Variants in TNKS observed in about 807,000 individuals in gnomAD.
TNKS encodes the protein tankyrase.
Under a neutral mutation model 135.8 loss-of-function variants are expected in TNKS, and 72 were observed. The ratio of observed to expected loss-of-function variants is 0.53; its 90% CI spans 0.44 to 0.64. TNKS has a LOEUF of 0.64. Ranked by LOEUF, TNKS falls within the 30% of genes least tolerant of loss-of-function variation. The pLI is 0.00. For synonymous variants in TNKS, 849 were observed against 649.3 expected (o/e 1.31, Z -4.68); for missense variants, 1,769 against 1,674.0 (o/e 1.06, Z -0.99).
rs1421971397 is a variant in TNKS at position 9,765,774 on chromosome 8, A to G, written c.3530A>G (p.His1177Arg). 1 of 1,613,880 alleles carries G rather than the reference A, an allele frequency of 6.2e-7. No homozygotes were observed. The highest frequency in any genetic ancestry group is 8.5e-7 in the Non-Finnish European group (1 of 1,179,890). The change falls in exon 24 of 27, where the codon CAC becomes CGC. Residue 1177 changes from histidine to arginine, a missense_variant. Transcript: ENST00000310430. ...KEVSEENHNH[H>R]NERMLFHGSP... Reference sequence around the variant, plus strand: ...GTGTCTGAGGAGAATCACAACCATCACAATGAGCGCATGTTGTTTCATGGT... The same window carrying G: ...GTGTCTGAGGAGAATCACAACCATCGCAATGAGCGCATGTTGTTTCATGGT...
chr8:9,578,656 C>G (rs7829677), intron 1 of TNKS, among the ~76,000 whole-genome samples: 10,135 of 152,170 alleles, frequency 0.067, 366 homozygotes, highest in South Asian at 0.17. Flanking sequence ...TCCCCTTACT[C>G]TTTTCCACAT....
rs932417865 is a variant in TNKS at position 9,777,765 on chromosome 8, C to T, written c.*1029C>T. ...ATTGTTACCCCTCCAAATTAGCTGC[C>T]TTATTTCAAAAGTCAGTGAAATTAC... On this transcript the variant is annotated 3_prime_UTR_variant, in exon 27 of 27. Coordinates refer to ENST00000310430, the MANE Select transcript of TNKS (RefSeq NM_003747.3). 7 of 152,240 alleles carry T rather than the reference C, an allele frequency of 4.6e-5. No individual in the cohort carries two copies. The highest frequency in any genetic ancestry group is 1.7e-4 in the African/African-American group (7 of 41,544). The allele number at this position is 152,240 out of a possible 1,614,324, so 9.4% of individuals were successfully genotyped here.
intron 1 of TNKS, among the ~76,000 whole-genome samples, chr8:9,576,093 C>G (rs1473878874): frequency 1.3e-5 from 2 of 152,134 alleles, no homozygotes; most frequent in Non-Finnish European, 2.9e-5. Flanking sequence ...TCCTCATGGC[C>G]AGTCACTGAC....
chr8:9,692,121 C>T (rs1423409819), intron 5 of TNKS, among the ~76,000 whole-genome samples: 1 of 152,016 alleles, frequency 6.6e-6, no homozygotes, highest in African/African-American at 2.4e-5. Context: ...GTAAATTGTG[C>T]GTTACTGAGG....
chr8:9,677,462 CTT>C (rs1802593768), intron 3 of TNKS, among the ~76,000 whole-genome samples: 1 of 152,126 alleles, frequency 6.6e-6, no homozygotes, highest in South Asian at 2.1e-4. Context: ...TATTACCACT[CTT>C]ATTGGAGTCA....
At chr8:9,744,356 G>T (rs994825852) in intron 17 of TNKS, among the ~76,000 whole-genome samples, 8 of 152,136 alleles carry the variant, frequency 5.3e-5, no homozygotes, top group African/African-American at 1.9e-4. Flanking sequence ...TCTCTCAACT[G>T]TTTTTATTTT....
intron 2 of TNKS, among the ~76,000 whole-genome samples, chr8:9,608,522 A>G (rs1799321113): frequency 6.6e-6 from 1 of 151,758 alleles, no homozygotes; most frequent in Non-Finnish European, 1.5e-5. Context: ...TGCGACCTCT[A>G]CTCACTTTGT....
chr8:9,776,653 T>A lies in TNKS; in HGVS notation c.3901T>A (p.Tyr1301Asn). The change falls in exon 27 of 27, where the codon TAC becomes AAC. Residue 1301 changes from tyrosine (Y) to asparagine (N), a missense_variant. Tyr to Asn is a moderately radical substitution (Grantham distance 143, BLOSUM62 -2). Coordinates refer to ENST00000310430, the MANE Select transcript of TNKS (RefSeq NM_003747.3). ...TTTTTCTTCTTGTCCTTCCCAGGCA[T>A]ACCCAGAGTATCTTATCACTTACCA... ...EYVIYRGEQAYPEYLITYQIM... is the reference protein window; with the variant it reads ...EYVIYRGEQANPEYLITYQIM... 6.2e-7 allele frequency: 1 copy of A among 1,613,902 alleles called. No homozygotes were observed. The highest frequency in any genetic ancestry group is 8.5e-7 in the Non-Finnish European group (1 of 1,179,834).
chr8:9,720,385 G>C lies in TNKS; in HGVS notation c.1761G>C (p.Leu587=). 6.2e-7 allele frequency: 1 copy of C among 1,607,962 alleles called. No individual in the cohort carries two copies. Among genetic ancestry groups the C allele is most frequent in the Non-Finnish European group, 8.5e-7 (1 of 1,177,612 alleles). ...LHKHGAKMNA[L]DTLGQTALHR... ...CAATGATTTTTCAGATGAATGCACTGGACACCCTTGGTCAGACTGCTTTGC... is the reference window on the plus strand; with the variant it reads ...CAATGATTTTTCAGATGAATGCACTCGACACCCTTGGTCAGACTGCTTTGC... The change falls in exon 12 of 27, where the codon CTG becomes CTC. Residue 587 remains leucine, a synonymous_variant. Transcript: ENST00000310430.
intron 12 of TNKS, among the ~76,000 whole-genome samples, chr8:9,723,603 A>G (rs1283016587): frequency 6.6e-6 from 1 of 152,216 alleles, no homozygotes; most frequent in Non-Finnish European, 1.5e-5. Context: ...ATTATTTCCA[A>G]AGATTTGATT....
intron 3 of TNKS, among the ~76,000 whole-genome samples, chr8:9,639,564 C>G (rs1159814026): frequency 6.8e-6 from 1 of 146,020 alleles, no homozygotes; most frequent in African/African-American, 2.5e-5. Flanking sequence ...AGCTTTCAAT[C>G]TTGTATCTTT....
intron 15 of TNKS, among the ~76,000 whole-genome samples, chr8:9,734,238 G>A (rs1049836015): frequency 3.3e-5 from 5 of 151,926 alleles, no homozygotes; most frequent in East Asian, 1.9e-4. Flanking sequence ...ACTAATTTCC[G>A]CAGTGAGCCC....
At chr8:9,718,941 AAGTT>A (rs767291118) in intron 11 of TNKS, among the ~76,000 whole-genome samples, 13 of 152,230 alleles carry the variant, frequency 8.5e-5, no homozygotes, top group Non-Finnish European at 1.6e-4. Flanking sequence ...ATAATAGAAT[AAGTT>A]AGTATGTTTC....
intron 19 of TNKS, among the ~76,000 whole-genome samples, chr8:9,752,236 A>C (rs1363950552): frequency 6.6e-6 from 1 of 152,098 alleles, no homozygotes; most frequent in Non-Finnish European, 1.5e-5. Context: ...TAAGAATTAT[A>C]CTATAATGTT....
At chr8:9,678,830 A>G (rs1054984601) in intron 3 of TNKS, among the ~76,000 whole-genome samples, 4 of 152,176 alleles carry the variant, frequency 2.6e-5, no homozygotes, top group Non-Finnish European at 5.9e-5. Flanking sequence ...CATTTAGTCT[A>G]ATGTTTTATT....
rs1222828256 is a variant in TNKS at position 9,745,526 on chromosome 8, TCC to T, written c.2644-2496_2644-2495del. 2.0e-5 allele frequency among the ~76,000 whole-genome samples: 3 copies of T among 152,254 alleles called. No individual in the cohort carries two copies. The East Asian group carries it at 5.8e-4, about 29-fold the overall frequency. On this transcript the variant is annotated intron_variant, in intron 17 of 26. Transcript: ENST00000310430. ...TTCAAGCGATTCTCCTGCCTCAGCC[TCC>T]CAAGTAGCTGGGATTACAGGTGTGT...
intron 2 of TNKS, among the ~76,000 whole-genome samples, chr8:9,608,642 C>G (rs4562329): frequency 6.6e-6 from 1 of 152,016 alleles, no homozygotes; most frequent in African/African-American, 2.4e-5. Context: ...TCACAGACAT[C>G]TGGGGCCTGC....
intron 17 of TNKS, among the ~76,000 whole-genome samples, chr8:9,736,339 G>C (rs1216554236): frequency 7.7e-6 from 1 of 129,260 alleles, no homozygotes; most frequent in Non-Finnish European, 1.6e-5. Flanking sequence ...TCAACATAGT[G>C]AGACCTCATC....
At chr8:9,715,536 AC>A (rs914459764) in intron 11 of TNKS, among the ~76,000 whole-genome samples, 1 of 151,760 alleles carries the variant, frequency 6.6e-6, no homozygotes, top group African/African-American at 2.4e-5. Flanking sequence ...TCCTCCCAGT[AC>A]CCCCCATCTC....
Sources: gnomAD v4.1 joint callset for allele counts (sites outside exome capture counted in the v4.1 genomes callset) on GRCh38, gnomAD v4.1.1 for gene constraint, MANE v1.5 for transcripts, NCBI Gene and HGNC (gene_info 2026-07-23, HGNC 2026-07-21) for gene names.